Variants in ZNF85 observed in about 807,000 individuals in gnomAD.
ZNF85 encodes zinc finger protein 85 (HPF4, HTF1).
In ZNF85, 50 loss-of-function variants were observed where a neutral mutation model predicts 53.9. The observed-to-expected ratio is 0.93, with a 90% CI of 0.74 to 1.17. The LOEUF is 1.17. Among genes scored for constraint, ZNF85 ranks in the 50% most tolerant of loss-of-function variants. The pLI is 0.00. For missense variants in ZNF85, 747 were observed against 688.5 expected, an observed-to-expected ratio of 1.08 and a Z score of -0.95; for synonymous variants, 225 against 226.1, an observed-to-expected ratio of 1.00 and a Z score of 0.04.
At chr19:20,924,387 T>C (rs1386042367) in intron 1 of ZNF85, among the ~76,000 whole-genome samples, 2 of 152,196 alleles carry the variant, frequency 1.3e-5, no homozygotes, top group African/African-American at 4.8e-5. Flanking sequence ...TGTGGTAATT[T>C]ACTAAAAAAT....
chr19:20,924,464 C>T (rs1241224036), intron 1 of ZNF85, among the ~76,000 whole-genome samples: 1 of 152,128 alleles, frequency 6.6e-6, no homozygotes, highest in African/African-American at 2.4e-5. Context: ...GTCTAATTGC[C>T]TGCCACTGAA....
intron 1 of ZNF85, chr19:20,928,585 CT>C (rs1334696087): frequency 6.6e-6 from 1 of 152,362 alleles, no homozygotes; most frequent in African/African-American, 2.4e-5. Flanking sequence ...CCTCTCAAGA[CT>C]AGTCATCATC....
chr19:20,937,189 G>A (rs1322275661), intron 3 of ZNF85: 10 of 374,256 alleles, frequency 2.7e-5, no homozygotes, highest in Admixed American at 1.2e-4. Context: ...GCACCACAAC[G>A]TCTGGCCAAT....
chr19:20,942,671 C>T (rs1430645262), intron 3 of ZNF85: 17 of 555,760 alleles, frequency 3.1e-5, no homozygotes, highest in African/African-American at 1.2e-4. Context: ...TTTATTTTTA[C>T]GTAATTTTGG....
intron 1 of ZNF85, among the ~76,000 whole-genome samples, chr19:20,931,547 C>T (rs919173007): frequency 8.6e-5 from 13 of 151,770 alleles, no homozygotes; most frequent in African/African-American, 1.5e-4. Context: ...AAAGGGTGGC[C>T]GCAGGACTGT....
intron 2 of ZNF85, among the ~76,000 whole-genome samples, 166 bp from the exon 3 acceptor site, chr19:20,934,783 A>C (rs1173881701): frequency 1.2e-5 from 1 of 82,000 alleles, no homozygotes; most frequent in Non-Finnish European, 2.6e-5. Flanking sequence ...ACTCCATCTC[A>C]AAAAAAAAAA....
rs1973532317 is a variant in ZNF85 at position 20,949,881 on chromosome 19, G to A, written c.1367G>A (p.Cys456Tyr). 1.2e-6 allele frequency: 2 copies of A among 1,612,602 alleles called. No homozygotes were observed. The highest frequency in any genetic ancestry group is 2.7e-5 in the African/African-American group (2 of 74,828). The change falls in exon 4 of 4, where the codon TGT (cysteine) becomes TAT (tyrosine). Residue 456 changes from cysteine (C) to tyrosine (Y), a missense_variant. Physicochemically the swap from Cys to Tyr is radical, Grantham distance 194. Transcript: ENST00000328178. ...CATACTGGAGAGAAACCCTATGAAT[G>A]TGAAAAATGTGGCAAAGCTTTTAAC... is the stretch of plus-strand genomic sequence containing the variant. ...KIHTGEKPYE[C>Y]EKCGKAFNQS...
At position 20,934,968 on chromosome 19, in the gene ZNF85, AGACCT is replaced by A; in HGVS notation, c.153_157del (p.Leu52HisfsTer16). On this transcript the variant is annotated frameshift_variant, in exon 3 of 4. Coordinates refer to ENST00000328178, the MANE Select transcript of ZNF85 (RefSeq NM_003429.5). LOFTEE classifies it high-confidence loss of function. ...AAACAGGTATTACTGTTTCTAAGCC[AGACCT>A]GATCACTTGTCTGGAGCAAGGGAAA... 6.2e-7 allele frequency: 1 copy of A among 1,610,562 alleles called. No individual in the cohort carries two copies. Among genetic ancestry groups the A allele is most frequent in the Non-Finnish European group, 8.5e-7 (1 of 1,178,420 alleles).
intron 3 of ZNF85, among the ~76,000 whole-genome samples, chr19:20,935,669 T>A (rs887841768): frequency 6.6e-6 from 1 of 152,096 alleles, no homozygotes; most frequent in Non-Finnish European, 1.5e-5. Flanking sequence ...TTTTTTTTTT[T>A]TTTATTTCGC....
At chr19:20,946,474 A>T (rs1973424036) in intron 3 of ZNF85, 1 of 292,368 alleles carries the variant, frequency 3.4e-6, no homozygotes, top group South Asian at 3.3e-5. Flanking sequence ...GTATTGAAAT[A>T]TCCTACTATA....
In ZNF85 at chr19:20,948,763, C is replaced by A; in HGVS notation, c.249C>A (p.Ala83=). The change falls in exon 4 of 4, where the codon GCC becomes GCA. Residue 83 remains alanine, a synonymous_variant. Coordinates refer to ENST00000328178, the MANE Select transcript of ZNF85 (RefSeq NM_003429.5). ...TTTCAGTTATGTGTTCTCATTTTGC[C>A]CAAGACCTTTGGCCGGAGCAGAATA... is the stretch of plus-strand genomic sequence containing the variant. ...AKPTVMCSHF[A]QDLWPEQNIK... The A allele has an allele frequency of 6.4e-7, 1 of 1,567,258 alleles. No individual in the cohort carries two copies. The highest frequency in any genetic ancestry group is 8.6e-7 in the Non-Finnish European group (1 of 1,159,224).
chr19:20,949,444 A>G lies in ZNF85; in HGVS notation c.930A>G (p.Gly310=). Residue 310 remains glycine, a synonymous_variant, in exon 4 of 4, where the codon GGA becomes GGG. Transcript: ENST00000328178. The stretch of plus-strand genomic sequence containing the variant: ...CTACCCATAGAAAAATTCATACTGG[A>G]GAGAAACCTTACAAATGTGAAGAAT... ...TLTTHRKIHT[G]EKPYKCEECG... 6.2e-7 allele frequency: 1 copy of G among 1,613,478 alleles called. No homozygotes were observed. Among genetic ancestry groups the G allele is most frequent in the Non-Finnish European group, 8.5e-7 (1 of 1,179,686 alleles).
At chr19:20,939,876 T>C (rs1973252424) in intron 3 of ZNF85, among the ~76,000 whole-genome samples, 1 of 151,978 alleles carries the variant, frequency 6.6e-6, no homozygotes, top group African/African-American at 2.4e-5. Flanking sequence ...TTTGTATTTT[T>C]AGTAGAGACG....
At chr19:20,947,554 C>G (rs1371043851) in intron 3 of ZNF85, among the ~76,000 whole-genome samples, 1 of 131,296 alleles carries the variant, frequency 7.6e-6, no homozygotes, top group East Asian at 2.2e-4. Context: ...ACATAGTTCC[C>G]TTCTCGCTTG....
rs747488704 is a variant in ZNF85 at position 20,949,155 on chromosome 19, C to A, written c.641C>A (p.Ser214Tyr). ...GAATGTGGAAAAGCCTTTAACTGGTCCTCAACCCTTACTAAACATAAGAGA... is the reference window on the plus strand; with the variant it reads ...GAATGTGGAAAAGCCTTTAACTGGTACTCAACCCTTACTAAACATAAGAGA... ...CEECGKAFNW[S>Y]STLTKHKRIH... The change falls in exon 4 of 4, where the codon TCC (serine) becomes TAC (tyrosine). Residue 214 changes from serine to tyrosine, a missense_variant. By Grantham distance (144) the Ser-to-Tyr change is moderately radical (BLOSUM62 -2). Coordinates refer to ENST00000328178, the MANE Select transcript of ZNF85 (RefSeq NM_003429.5). 6.2e-7 allele frequency: 1 copy of A among 1,613,330 alleles called. No homozygotes were observed. Among genetic ancestry groups the A allele is most frequent in the African/African-American group, 1.3e-5 (1 of 74,862 alleles).
Position 20,950,468 on chromosome 19 carries a change from G to T in ZNF85, c.*166G>T. 5.8e-6 allele frequency: 3 copies of T among 516,530 alleles called. No individual in the cohort carries two copies. The highest frequency in any genetic ancestry group is 9.8e-6 in the Non-Finnish European group (3 of 305,610). 32.0% of individuals were successfully genotyped at this position (516,530 alleles called of 1,614,324 possible). A position where few individuals can be genotyped will look rare whatever the true frequency, so the allele number is the denominator to read the frequency against. ...AAATTCTAAAAATGTGAAGACTATG[G>T]CAAAGTCTTTAAATGGTTGTCACAC... On this transcript the variant is annotated 3_prime_UTR_variant, in exon 4 of 4. Transcript: ENST00000328178.
rs924470375 is a variant in ZNF85 at position 20,949,967 on chromosome 19, G to A, written c.1453G>A (p.Glu485Lys). The change falls in exon 4 of 4, where the codon GAA becomes AAA. Residue 485 changes from glutamate (E) to lysine (K), a missense_variant. Glu to Lys is a moderately conservative substitution (Grantham distance 56). Coordinates refer to ENST00000328178, the MANE Select transcript of ZNF85 (RefSeq NM_003429.5). ...TACAGAAGAGAAACCTTACAAATGT[G>A]AAGAATGTGGCAAAGGTTTTAAATG... ...SHTEEKPYKC[E>K]ECGKGFKWPS... 2 of 1,609,662 alleles carry A rather than the reference G, an allele frequency of 1.2e-6. No homozygotes were observed. The highest frequency in any genetic ancestry group is 8.5e-7 in the Non-Finnish European group (1 of 1,177,710).
At chr19:20,933,336 C>G (rs1406819952) in intron 1 of ZNF85, among the ~76,000 whole-genome samples, 1 of 151,394 alleles carries the variant, frequency 6.6e-6, no homozygotes, top group African/African-American at 2.4e-5. Context: ...GTGCATAAAC[C>G]ATCACAGTTA....
intron 1 of ZNF85, among the ~76,000 whole-genome samples, chr19:20,929,050 C>T (rs1252441500): frequency 1.3e-5 from 2 of 152,014 alleles, no homozygotes; most frequent in East Asian, 3.9e-4. Flanking sequence ...CCTTACTAGG[C>T]CTCAGTGTCT....
Sources: allele counts gnomAD v4.1 joint callset (sites outside exome capture counted in the v4.1 genomes callset), GRCh38; gene constraint gnomAD v4.1.1; transcripts MANE v1.5; gene names NCBI Gene and HGNC (gene_info 2026-07-23, HGNC 2026-07-21).